DYNLT1: variants seen among roughly 807,000 people sequenced by gnomAD.
DYNLT1 encodes T-complex testis-specific protein 1 homolog.
DYNLT1 carries 18 observed loss-of-function variants against 19.6 expected under a neutral mutation model. The ratio of observed to expected loss-of-function variants is 0.92; its 90% confidence interval spans 0.64 to 1.36. The LOEUF (loss-of-function observed/expected upper bound fraction) is 1.36. Among genes scored for constraint, DYNLT1 ranks in the 40% most tolerant of loss-of-function variants. The pLI, the probability that DYNLT1 is intolerant of heterozygous loss-of-function variation, is 0.00. For missense variants in DYNLT1, 137 were observed against 139.3 expected (o/e 0.98, Z 0.08); for synonymous variants, 56 against 44.0 (o/e 1.27, Z -1.07).
chr6:158,644,696 G>C lies in DYNLT1; in HGVS notation c.13C>G (p.Gln5Glu), dbSNP rs151068285. 2.5e-6 allele frequency: 4 copies of C among 1,611,888 alleles called. No homozygotes were observed. Among genetic ancestry groups the C allele is most frequent in the African/African-American group, 2.7e-5 (2 of 74,910 alleles). The change falls in exon 1 of 5, where the codon CAG (glutamine) becomes GAG (glutamate). Residue 5 changes from glutamine to glutamate, a missense_variant. Physicochemically the swap from Gln to Glu is conservative, Grantham distance 29. Transcript: ENST00000367089. MEDY[Q>E]AAEETAFVVD... ...CCGGCGGTTACCTCCTCCGCAGCCT[G>C]GTAGTCTTCCATCTTTCCTCCGGCG... is the stretch of plus-strand genomic sequence containing the variant.
intron 1 of DYNLT1, 169 bp from the exon 2 acceptor site, chr6:158,641,529 G>T (rs1466405924): frequency 6.4e-6 from 3 of 468,526 alleles, no homozygotes; most frequent in Non-Finnish European, 1.1e-5. Flanking sequence ...TCAGAAACCA[G>T]AAGACTAGAA....
At chr6:158,643,451 G>A (rs561614986) in intron 1 of DYNLT1, among the ~76,000 whole-genome samples, 313 of 152,236 alleles carry the variant, frequency 2.1e-3, no homozygotes, top group African/African-American at 7.2e-3. Flanking sequence ...TATTTTCCCT[G>A]AAAACATTCC....
Position 158,636,724 on chromosome 6 carries a change from C to G in DYNLT1, c.*103G>C. The G allele has an allele frequency of 7.4e-6, 10 of 1,348,342 alleles. No homozygotes were observed. In the South Asian group the frequency reaches 1.1e-4, roughly 14 times the overall value. 83.5% of individuals were successfully genotyped at this position (1,348,342 alleles called of 1,614,324 possible). ...TTTTTTCCTCTACATTGTGAAAGTG[C>G]CACAAAACAAAGAGAATGAGAAAAG... On this transcript the variant is annotated 3_prime_UTR_variant, in exon 5 of 5. Transcript: ENST00000367089.
At position 158,637,829 on chromosome 6, in the gene DYNLT1, A is replaced by G. The variant is rs754505360; in HGVS notation, c.135T>C (p.Asn45=). ...GTTGGCTTAAAGTTTGTTCTACTAC[A>G]TTTGTGGTCCACTGGTTCACTTTGC... is the stretch of plus-strand genomic sequence containing the variant. ...QHSKVNQWTT[N]VVEQTLSQLT... Residue 45 remains asparagine (N), a synonymous_variant, in exon 3 of 5, where the codon AAT becomes AAC. Transcript: ENST00000367089. 2.7e-5 allele frequency: 44 copies of G among 1,612,320 alleles called. No homozygotes were observed. The highest frequency in any genetic ancestry group is 3.7e-5 in the Non-Finnish European group (44 of 1,180,028).
intron 2 of DYNLT1, among the ~76,000 whole-genome samples, chr6:158,638,967 G>C (rs1787080521): frequency 1.3e-5 from 2 of 152,098 alleles, no homozygotes; most frequent in Non-Finnish European, 2.9e-5. Context: ...CCCCTAACTT[G>C]CTGTGCTGGA....
At chr6:158,638,854 AT>A (rs1787078276) in intron 2 of DYNLT1, among the ~76,000 whole-genome samples, 1 of 152,174 alleles carries the variant, frequency 6.6e-6, no homozygotes, top group Non-Finnish European at 1.5e-5. Context: ...TGCTAAGCTT[AT>A]CATTATGATA....
chr6:158,638,305 C>A (rs1262600588), intron 2 of DYNLT1, among the ~76,000 whole-genome samples: 2 of 152,144 alleles, frequency 1.3e-5, no homozygotes, highest in African/African-American at 4.8e-5. Context: ...TCCAAATAAT[C>A]ATATATTAAA....
rs368742677 is a variant in DYNLT1, at chr6:158,643,434, TTAG to T, written c.27+1245_27+1247del. 1.6e-3 allele frequency among the ~76,000 whole-genome samples: 245 copies of T among 152,322 alleles called. 1 individual carries two copies. Among genetic ancestry groups the T allele is most frequent in the African/African-American group, 5.7e-3 (236 of 41,580 alleles). ...AAACTCTAGAATCAGTCCTTAAGTTTTAGTTTTATTTTCCCTGAAAACATTCCT... is the reference window on the plus strand; with the variant it reads ...AAACTCTAGAATCAGTCCTTAAGTTTTTTTATTTTCCCTGAAAACATTCCT... On this transcript the variant is annotated intron_variant, in intron 1 of 4. Transcript: ENST00000367089.
rs912109726 is a variant in DYNLT1, at chr6:158,638,153, AT to A, written c.70-260del. Among the ~76,000 whole-genome samples, 701 of 151,940 alleles carry A rather than the reference AT, an allele frequency of 4.6e-3. 4 individuals are homozygous for A. The highest frequency in any genetic ancestry group is 0.016 in the African/African-American group (671 of 41,412). ...ATTTCATGTTCACTACTATTAATACATTTTTTTTCCTGTTGAGGCTAGAAAG... is the reference window on the plus strand; with the variant it reads ...ATTTCATGTTCACTACTATTAATACATTTTTTTCCTGTTGAGGCTAGAAAG... On this transcript the variant is annotated intron_variant, in intron 2 of 4. Coordinates refer to ENST00000367089, the MANE Select transcript of DYNLT1 (RefSeq NM_006519.4).
In DYNLT1 at chr6:158,636,614, G is replaced by C. The variant is rs1787001525; in HGVS notation, c.*213C>G. The C allele has an allele frequency of 1.9e-6, 1 of 523,994 alleles. No individual in the cohort carries two copies. Among genetic ancestry groups the C allele is most frequent in the Non-Finnish European group, 3.4e-6 (1 of 292,464 alleles). The allele number at this position is 523,994 out of a possible 1,614,324, so 32.5% of individuals were successfully genotyped here. On this transcript the variant is annotated 3_prime_UTR_variant, in exon 5 of 5. Transcript: ENST00000367089. ...TTTGAAATGAAATATTCAGAGTTAA[G>C]ACAAGTGGCAACGCAGGCTGCAGGT...
In DYNLT1 at chr6:158,636,650, G is replaced by A. The variant is rs1787002737; in HGVS notation, c.*177C>T. 3.2e-6 allele frequency: 2 copies of A among 626,682 alleles called. No homozygotes were observed. The highest frequency in any genetic ancestry group is 5.7e-5 in the East Asian group (2 of 34,906). 38.8% of individuals were successfully genotyped at this position (626,682 alleles called of 1,614,324 possible). A position where few individuals can be genotyped will look rare whatever the true frequency, so the allele number is the denominator to read the frequency against. On this transcript the variant is annotated 3_prime_UTR_variant, in exon 5 of 5. Transcript: ENST00000367089. Reference sequence around the variant, plus strand: ...ACGCAGGCTGCAGGTGACCTACAGGGATACTCATCTGACTTCGGTGCCATT... The same window carrying A: ...ACGCAGGCTGCAGGTGACCTACAGGAATACTCATCTGACTTCGGTGCCATT...
chr6:158,641,363 G>A lies in DYNLT1; in HGVS notation c.28-3C>T. The A allele has an allele frequency of 6.3e-7, 1 of 1,591,474 alleles. No homozygotes were observed. Among genetic ancestry groups the A allele is most frequent in the Non-Finnish European group, 8.5e-7 (1 of 1,172,090 alleles). On this transcript the variant is annotated splice_polypyrimidine_tract_variant and splice_region_variant and intron_variant, in intron 1 of 4. Transcript: ENST00000367089. ...ACTTCATCAACAACAAAAGCAGTCT[G>A]TAAGGAAGAACATTCAGTTAAGTTT...
chr6:158,636,551 A>G lies in DYNLT1; in HGVS notation c.*276T>C, dbSNP rs1268524408. The stretch of plus-strand genomic sequence containing the variant: ...GTATTTGAATCATTTCAGAGAGTAG[A>G]GCAAGTTTCACACTAGCAGATTTCA... On this transcript the variant is annotated 3_prime_UTR_variant, in exon 5 of 5. Transcript: ENST00000367089. 5.0e-6 allele frequency: 2 copies of G among 401,784 alleles called. No individual in the cohort carries two copies. Among genetic ancestry groups the G allele is most frequent in the Admixed American group, 3.9e-5 (1 of 25,692 alleles). 24.9% of individuals were successfully genotyped at this position (401,784 alleles called of 1,614,324 possible).
rs199975205 is a variant in DYNLT1, at chr6:158,644,697, G to C, written c.12C>G (p.Tyr4Ter). The change falls in exon 1 of 5, where the codon TAC becomes TAG. Residue 4 changes from tyrosine (Y) to a stop codon, truncating the protein, a stop_gained. Transcript: ENST00000367089. LOFTEE classifies it high-confidence loss of function. The part of the protein sequence containing the change: MED[Y>*]QAAEETAFVV... ...CGGCGGTTACCTCCTCCGCAGCCTG[G>C]TAGTCTTCCATCTTTCCTCCGGCGC... The C allele has an allele frequency of 6.2e-7, 1 of 1,611,956 alleles. No individual in the cohort carries two copies. The highest frequency in any genetic ancestry group is 8.5e-7 in the Non-Finnish European group (1 of 1,179,708).
At chr6:158,636,990 A>G (rs749999392) in intron 4 of DYNLT1, 93 bp from the exon 5 acceptor site, 24 of 1,540,604 alleles carry the variant, frequency 1.6e-5, no homozygotes, top group African/African-American at 5.5e-5. Flanking sequence ...ACCCATCTCT[A>G]TGCTACACAA....
chr6:158,642,772 T>C (rs1036272827), intron 1 of DYNLT1: 2 of 152,196 alleles, frequency 1.3e-5, no homozygotes, highest in African/African-American at 4.8e-5. Context: ...ACCTCCCATA[T>C]GGTTACAGTA....
In DYNLT1 at chr6:158,636,859, A is replaced by T. The variant is rs757255415; in HGVS notation, c.310T>A (p.Cys104Ser). 1.2e-6 allele frequency: 2 copies of T among 1,613,290 alleles called. No homozygotes were observed. Among genetic ancestry groups the T allele is most frequent in the Non-Finnish European group, 1.7e-6 (2 of 1,179,706 alleles). Residue 104 changes from cysteine (C) to serine (S), a missense_variant, in exon 5 of 5, where the codon TGC becomes AGC. Cys to Ser is a moderately radical substitution (Grantham distance 112). Coordinates refer to ENST00000367089, the MANE Select transcript of DYNLT1 (RefSeq NM_006519.4). ...TVRWENKTMY[C>S]IVSAFGLSI ...GACAGTCCGAAGGCACTGACGATGC[A>T]GTACATGGTCTTATTCTCCCATCGC...
Position 158,637,158 on chromosome 6 carries a change from T to A in DYNLT1, c.241A>T (p.Ser81Cys). 1 of 1,614,236 alleles carries A rather than the reference T, an allele frequency of 6.2e-7. No individual in the cohort carries two copies. Among genetic ancestry groups the A allele is most frequent in the Non-Finnish European group, 8.5e-7 (1 of 1,180,036 alleles). ...QKNGAGLHTA[S>C]SCFWDSSTDG... ...GTAGAGCTGTCCCAGAAGCAGGAAC[T>A]TGCTGTGTGTAATCCAGCTCCATTC... Residue 81 changes from serine to cysteine, a missense_variant, in exon 4 of 5, where the codon AGT becomes TGT. Ser to Cys is a moderately radical substitution (Grantham distance 112). Transcript: ENST00000367089.
At position 158,636,641 on chromosome 6, in the gene DYNLT1, A is replaced by C. The variant is rs1583071274; in HGVS notation, c.*186T>G. 1.7e-6 allele frequency: 1 copy of C among 588,562 alleles called. No individual in the cohort carries two copies. The highest frequency in any genetic ancestry group is 3.0e-6 in the Non-Finnish European group (1 of 336,174). 36.5% of individuals were successfully genotyped at this position (588,562 alleles called of 1,614,324 possible). A position where few individuals can be genotyped will look rare whatever the true frequency, so the allele number is the denominator to read the frequency against. On this transcript the variant is annotated 3_prime_UTR_variant, in exon 5 of 5. Coordinates refer to ENST00000367089, the MANE Select transcript of DYNLT1 (RefSeq NM_006519.4). Reference sequence around the variant, plus strand: ...CAAGTGGCAACGCAGGCTGCAGGTGACCTACAGGGATACTCATCTGACTTC... The same window carrying C: ...CAAGTGGCAACGCAGGCTGCAGGTGCCCTACAGGGATACTCATCTGACTTC...
Sources: allele counts gnomAD v4.1 joint callset (sites outside exome capture counted in the v4.1 genomes callset), GRCh38; gene constraint gnomAD v4.1.1; transcripts MANE v1.5; gene names NCBI Gene and HGNC (gene_info 2026-07-23, HGNC 2026-07-21).